SASS6: variants seen among roughly 807,000 people sequenced by gnomAD.
The protein encoded by SASS6 is SAS-6 centriolar assembly protein, also known as spindle assembly abnormal protein 6 homolog.
In SASS6, 59 loss-of-function variants were observed where a neutral mutation model predicts 94.9. The observed-to-expected ratio is 0.62, with a 90% CI of 0.50 to 0.77. SASS6 has a LOEUF of 0.77. SASS6 is among the 30% of genes least tolerant of loss of function. The probability of loss-of-function intolerance (pLI) is 0.00; values close to 1 mark genes in which losing one functional copy is unlikely to be tolerated. For missense variants in SASS6, 698 were observed against 734.1 expected, an observed-to-expected ratio of 0.95 and a Z score of 0.57; for synonymous variants, 264 against 270.0, an observed-to-expected ratio of 0.98 and a Z score of 0.22.
intron 8 of SASS6, 145 bp from the exon 9 acceptor site, chr1:100,108,149 A>T: frequency 2.0e-6 from 1 of 497,996 alleles, no homozygotes; most frequent in Non-Finnish European, 3.5e-6. Flanking sequence ...TAAAAGCATA[A>T]ATGTCTTTCT....
At chr1:100,094,311 GA>G (rs1651963177) in intron 14 of SASS6, among the ~76,000 whole-genome samples, 1 of 151,976 alleles carries the variant, frequency 6.6e-6, no homozygotes, top group Admixed American at 6.6e-5. Flanking sequence ...ATTCACAGCT[GA>G]AAAAAGCCTC....
chr1:100,117,632 G>A (rs1159920251), intron 7 of SASS6, among the ~76,000 whole-genome samples: 1 of 149,900 alleles, frequency 6.7e-6, no homozygotes, highest in Non-Finnish European at 1.5e-5. Context: ...CAGTCTGAGC[G>A]ACAGAGCGAG....
intron 1 of SASS6, among the ~76,000 whole-genome samples, chr1:100,129,012 G>T (rs1654827300): frequency 6.6e-6 from 1 of 152,254 alleles, no homozygotes; most frequent in South Asian, 2.1e-4. Context: ...GCTGAGGTGG[G>T]TGGATCACCT....
chr1:100,105,760 A>G lies in SASS6; in HGVS notation c.1545+7T>C. 1 of 1,609,494 alleles carries G rather than the reference A, an allele frequency of 6.2e-7. No individual in the cohort carries two copies. Among genetic ancestry groups the G allele is most frequent in the Middle Eastern group, 1.7e-4 (1 of 6,046 alleles). Reference sequence around the variant, plus strand: ...TAAGATCACTCACATCTTGTTTTAAATCTTACCACATTCAGGTTAGGAGAA... The same window carrying G: ...TAAGATCACTCACATCTTGTTTTAAGTCTTACCACATTCAGGTTAGGAGAA... On this transcript the variant is annotated splice_region_variant and intron_variant, in intron 13 of 16. Transcript: ENST00000287482.
intron 14 of SASS6, among the ~76,000 whole-genome samples, chr1:100,092,001 C>A (rs1651732094): frequency 8.5e-6 from 1 of 117,494 alleles, no homozygotes; most frequent in East Asian, 2.3e-4. Flanking sequence ...AAGCGAGACC[C>A]TGTCTCAAAA....
chr1:100,118,110 G>A (rs1243303618), intron 7 of SASS6, among the ~76,000 whole-genome samples: 1 of 152,146 alleles, frequency 6.6e-6, no homozygotes, highest in Non-Finnish European at 1.5e-5. Flanking sequence ...AAGGTTGGGA[G>A]TTCAAGACCA....
At chr1:100,124,323 A>G (rs1477508252) in intron 2 of SASS6, among the ~76,000 whole-genome samples, 1 of 152,216 alleles carries the variant, frequency 6.6e-6, no homozygotes, top group Non-Finnish European at 1.5e-5. Flanking sequence ...GGTACTATTA[A>G]TACTACTAGG....
In SASS6 at chr1:100,103,005, G is replaced by A. The variant is rs748422614; in HGVS notation, c.1624C>T (p.Pro542Ser). Residue 542 changes from proline to serine, a missense_variant, in exon 14 of 17, where the codon CCT becomes TCT. Physicochemically the swap from Pro to Ser is moderately conservative, Grantham distance 74. Coordinates refer to ENST00000287482, the MANE Select transcript of SASS6 (RefSeq NM_194292.3). ...GTATTTTTGGCAGATATCGAATGAGGGAAGGTATTCTGGAATGCAAATGCA... is the reference window on the plus strand; with the variant it reads ...GTATTTTTGGCAGATATCGAATGAGAGAAGGTATTCTGGAATGCAAATGCA... ...SSAFAFQNTF[P>S]HSISAKNTSH... The A allele has an allele frequency of 6.2e-7, 1 of 1,611,156 alleles. No individual in the cohort carries two copies. The highest frequency in any genetic ancestry group is 8.5e-7 in the Non-Finnish European group (1 of 1,177,514).
In SASS6 at chr1:100,085,423, C is replaced by T. The variant is rs766619984; in HGVS notation, c.1879G>A (p.Asp627Asn). 6.2e-7 allele frequency: 1 copy of T among 1,611,290 alleles called. No homozygotes were observed. The highest frequency in any genetic ancestry group is 2.2e-5 in the East Asian group (1 of 44,864). ...GTATGTAATGCTCCTAAAGTGCCAT[C>T]TCTCTGATGGTCTGCAAATGAGGAC... ...NLFSNSDHQR[D>N]GTLGALHTSS... is the part of the protein sequence containing the mutation. The change falls in exon 17 of 17, where the codon GAT becomes AAT. Residue 627 changes from aspartate to asparagine, a missense_variant. Coordinates refer to ENST00000287482, the MANE Select transcript of SASS6 (RefSeq NM_194292.3).
chr1:100,088,884 ACAAT>A (rs1453678317), intron 14 of SASS6, among the ~76,000 whole-genome samples: 1 of 152,012 alleles, frequency 6.6e-6, no homozygotes, highest in Non-Finnish European at 1.5e-5. Context: ...TAAAATCCAG[ACAAT>A]CAACAATGTA....
rs1655201024 is a variant in SASS6 at position 100,132,899 on chromosome 1, A to G, written c.-85T>C. 7.5e-7 allele frequency: 1 copy of G among 1,332,332 alleles called. No individual in the cohort carries two copies. The highest frequency in any genetic ancestry group is 1.1e-6 in the Non-Finnish European group (1 of 936,896). 82.5% of individuals were successfully genotyped at this position (1,332,332 alleles called of 1,614,324 possible). A position where few individuals can be genotyped will look rare whatever the true frequency, so the allele number is the denominator to read the frequency against. On this transcript the variant is annotated 5_prime_UTR_variant, in exon 1 of 17. Coordinates refer to ENST00000287482, the MANE Select transcript of SASS6 (RefSeq NM_194292.3). ...AGCCTGAGAGGTCCGGGTCCTGATA[A>G]AGTTTGAGTTTGGCGCTCGGCTTCT...
intron 14 of SASS6, among the ~76,000 whole-genome samples, chr1:100,100,587 A>C (rs1358456150): frequency 6.6e-6 from 1 of 152,230 alleles, no homozygotes; most frequent in Non-Finnish European, 1.5e-5. Context: ...AATCTTGTTA[A>C]ATATTCTCAC....
intron 14 of SASS6, among the ~76,000 whole-genome samples, chr1:100,102,243 A>C (rs1557883756): frequency 6.6e-6 from 1 of 152,178 alleles, no homozygotes; most frequent in East Asian, 1.9e-4. Context: ...TAAATTTTAG[A>C]ATTTGATTTA....
rs1654105765 is a variant in SASS6, at chr1:100,120,454, T to G, written c.489A>C (p.Glu163Asp). 1 of 1,369,410 alleles carries G rather than the reference T, an allele frequency of 7.3e-7. No individual in the cohort carries two copies. Among genetic ancestry groups the G allele is most frequent in the Non-Finnish European group, 1.0e-6 (1 of 958,040 alleles). The allele number at this position is 1,369,410 out of a possible 1,614,324, so 84.8% of individuals were successfully genotyped here. A position where few individuals can be genotyped will look rare whatever the true frequency, so the allele number is the denominator to read the frequency against. The change falls in exon 6 of 17, where the codon GAA (glutamate) becomes GAC (aspartate). Residue 163 changes from glutamate (E) to aspartate (D), a missense_variant. Transcript: ENST00000287482. ...LAGCLKCSKE[E>D]KLSLMQSLDD... ...CTAGTGATTGCATCAATGATAATTT[T>G]TCTTCCTATTCATAAAAATAATAAA...
chr1:100,114,282 G>A (rs1479796344), intron 7 of SASS6, among the ~76,000 whole-genome samples: 1 of 152,028 alleles, frequency 6.6e-6, no homozygotes, highest in East Asian at 1.9e-4. Flanking sequence ...CATCTCATGA[G>A]GCTAGCATAA....
chr1:100,116,940 G>A (rs1377572027), intron 7 of SASS6, among the ~76,000 whole-genome samples: 2 of 151,962 alleles, frequency 1.3e-5, no homozygotes, highest in Non-Finnish European at 2.9e-5. Flanking sequence ...TCATCAAGCT[G>A]TACTCTTAAG....
chr1:100,117,686 G>C (rs1653901629), intron 7 of SASS6, among the ~76,000 whole-genome samples: 1 of 149,908 alleles, frequency 6.7e-6, no homozygotes, highest in Non-Finnish European at 1.5e-5. Context: ...CAACCACACA[G>C]AAAAAGGGAT....
chr1:100,107,239 A>C, intron 11 of SASS6, 135 bp downstream of exon 11: 1 of 635,120 alleles, frequency 1.6e-6, no homozygotes, highest in South Asian at 2.1e-5. Context: ...GGTTATTACC[A>C]TCTACTCAAT....
rs986379184 is a variant in SASS6 at position 100,083,705 on chromosome 1, A to AATT, written c.*1620_*1622dup. On this transcript the variant is annotated 3_prime_UTR_variant, in exon 17 of 17. Coordinates refer to ENST00000287482, the MANE Select transcript of SASS6 (RefSeq NM_194292.3). ...GCAACTAAAAGTTTAGGAGGTAAAG[A>AATT]ATTAGCACACTTGGAAGTCTGTATA... is the stretch of plus-strand genomic sequence containing the variant. 40 of 152,198 alleles carry AATT rather than the reference A, an allele frequency of 2.6e-4. No homozygotes were observed. The highest frequency in any genetic ancestry group is 6.0e-4 in the African/African-American group (25 of 41,548). The allele number at this position is 152,198 out of a possible 1,614,324, so 9.4% of individuals were successfully genotyped here.
Sources: allele counts gnomAD v4.1 joint callset (sites outside exome capture counted in the v4.1 genomes callset), GRCh38; gene constraint gnomAD v4.1.1; transcripts MANE v1.5; gene names NCBI Gene and HGNC (gene_info 2026-07-23, HGNC 2026-07-21).